The following MT1M variants were observed in gnomAD, a reference collection of about 807,000 sequenced individuals.
MT1M encodes the protein metallothionein-1M.
In MT1M, 11 loss-of-function variants were observed where a neutral mutation model predicts 8.5. The observed-to-expected ratio is 1.29, with a 90% CI of 0.81 to 2.14. MT1M has a LOEUF of 2.14. MT1M is among the 30% of genes most tolerant of loss of function. MT1M has a pLI of 0.00. For missense variants in MT1M, 84 were observed against 76.6 expected (o/e 1.10, Z -0.36); for synonymous variants, 28 against 30.0 (o/e 0.93, Z 0.22).
intron 1 of MT1M, 119 bp from the exon 2 acceptor site, chr16:56,633,220 TG>T: frequency 6.9e-7 from 1 of 1,458,878 alleles, no homozygotes; most frequent in Non-Finnish European, 9.5e-7. Flanking sequence ...TTTCCCTGAG[TG>T]GGAAAGGAGC....
intron 2 of MT1M, 75 bp from the exon 3 acceptor site, chr16:56,633,676 C>G (rs1960321258): frequency 6.9e-6 from 11 of 1,604,714 alleles, no homozygotes; most frequent in East Asian, 2.2e-5. Flanking sequence ...TTCTGAGCTC[C>G]AGCCAGGCTT....
intron 2 of MT1M, 154 bp downstream of exon 2, chr16:56,633,559 G>T (rs1241033783): frequency 1.3e-6 from 2 of 1,591,670 alleles, no homozygotes; most frequent in South Asian, 2.2e-5. Context: ...CCTAAATTCA[G>T]ATGGGGCAGG....
intron 1 of MT1M, among the ~76,000 whole-genome samples, chr16:56,633,135 G>A (rs1296431585): frequency 2.6e-5 from 4 of 152,168 alleles, no homozygotes; most frequent in East Asian, 3.9e-4. Flanking sequence ...GGTTGGGTGT[G>A]CCCCTGGGAC....
At chr16:56,633,575 ATT>A (rs1960319715) in intron 2 of MT1M, 170 bp downstream of exon 2, 1 of 1,595,060 alleles carries the variant, frequency 6.3e-7, no homozygotes, top group African/African-American at 1.3e-5. Flanking sequence ...GCAGGACAGC[ATT>A]TTTCTCTTGG....
rs533167394 is a variant in MT1M, at chr16:56,632,666, C to A, written c.-66C>A. 5 of 1,602,372 alleles carry A rather than the reference C, an allele frequency of 3.1e-6. No homozygotes were observed. The African/African-American group carries it at 5.4e-5, about 17-fold the overall frequency. On this transcript the variant is annotated 5_prime_UTR_variant, in exon 1 of 3. Coordinates refer to ENST00000379818, the MANE Select transcript of MT1M (RefSeq NM_176870.3). ...CGCAGGCTGTGGCGCTCCACCACGC[C>A]GTCCGGGTGGGCCTAGCAGTCGCTC...
chr16:56,633,219 G>A (rs1330645509), intron 1 of MT1M, 121 bp from the exon 2 acceptor site: 61 of 1,462,382 alleles, frequency 4.2e-5, no homozygotes, highest in Non-Finnish European at 5.7e-5. Flanking sequence ...CTTTCCCTGA[G>A]TGGGAAAGGA....
In MT1M at chr16:56,633,922, T is replaced by C. The variant is rs1960326773; in HGVS notation, c.*80T>C. ...TTTTTTTCAATACGATACTGAGCCA[T>C]TTGCTGCATTTCTTTTTATATTAAA... On this transcript the variant is annotated 3_prime_UTR_variant, in exon 3 of 3. Transcript: ENST00000379818. 7.0e-7 allele frequency: 1 copy of C among 1,419,064 alleles called. No individual in the cohort carries two copies. Among genetic ancestry groups the C allele is most frequent in the African/African-American group, 1.4e-5 (1 of 70,014 alleles). 87.9% of individuals were successfully genotyped at this position (1,419,064 alleles called of 1,614,324 possible).
At chr16:56,633,596 T>C (rs1960319882) in intron 2 of MT1M, 155 bp from the exon 3 acceptor site, 4 of 1,598,668 alleles carry the variant, frequency 2.5e-6, no homozygotes, top group African/African-American at 1.3e-5. Context: ...GGGACACAAA[T>C]CCCAACTGTA....
At chr16:56,633,204 A>AT (rs2144314764) in intron 1 of MT1M, 136 bp from the exon 2 acceptor site, 11 of 1,412,880 alleles carry the variant, frequency 7.8e-6, no homozygotes, top group East Asian at 2.3e-5. Context: ...TGGAGAGGAC[A>AT]GGGGCTTTCC....
chr16:56,633,458 G>A (rs1390706004), intron 2 of MT1M, 53 bp downstream of exon 2: 2 of 1,614,108 alleles, frequency 1.2e-6, no homozygotes, highest in Admixed American at 3.3e-5. Flanking sequence ...GATTGGGAGG[G>A]AACCCAAGGC....
rs1284650765 is a variant in MT1M at position 56,633,693 on chromosome 16, G to A, written c.95-58G>A. On this transcript the variant is annotated intron_variant, in intron 2 of 2. Coordinates refer to ENST00000379818, the MANE Select transcript of MT1M (RefSeq NM_176870.3). ...CTGAGCTCCAGCCAGGCTTGCTATT[G>A]GGGCAGGGCGGTGCCCGGTCAAGTC... is the stretch of plus-strand genomic sequence containing the variant. 1.3e-5 allele frequency: 21 copies of A among 1,607,902 alleles called. No individual in the cohort carries two copies. The East Asian group carries it at 2.2e-4, about 17-fold the overall frequency.
intron 1 of MT1M, among the ~76,000 whole-genome samples, 191 bp downstream of exon 1, chr16:56,632,950 A>G (rs1960308354): frequency 6.6e-6 from 1 of 152,132 alleles, no homozygotes; most frequent in Non-Finnish European, 1.5e-5. Context: ...AGAGTTAAGG[A>G]TACTGAGGGT....
chr16:56,633,381 T>C lies in MT1M; in HGVS notation c.70T>C (p.Cys24Arg), dbSNP rs754831089. 3 of 1,613,992 alleles carry C rather than the reference T, an allele frequency of 1.9e-6. No homozygotes were observed. In the African/African-American group the frequency reaches 4.0e-5, roughly 22 times the overall value. Residue 24 changes from cysteine (C) to arginine (R), a missense_variant, in exon 2 of 3, where the codon TGC becomes CGC. By Grantham distance (180) the Cys-to-Arg change is radical (BLOSUM62 -3). Transcript: ENST00000379818. ...ACTGSCTCKE[C>R]KCTSCKKSCC... ...CACCGGCTCCTGCACGTGCAAAGAG[T>C]GCAAATGCACCTCCTGCAAGAAGAG...
chr16:56,633,896 T>C lies in MT1M; in HGVS notation c.*54T>C. On this transcript the variant is annotated 3_prime_UTR_variant, in exon 3 of 3. Transcript: ENST00000379818. ...AATAGAACAAGCTGCACAACCTGGA[T>C]TTTTTTTCAATACGATACTGAGCCA... The C allele has an allele frequency of 1.3e-6, 2 of 1,585,546 alleles. No homozygotes were observed. Among genetic ancestry groups the C allele is most frequent in the Non-Finnish European group, 1.7e-6 (2 of 1,157,616 alleles).
At position 56,633,354 on chromosome 16, in the gene MT1M, T is replaced by G; in HGVS notation, c.43T>G (p.Cys15Gly). Residue 15 changes from cysteine to glycine, a missense_variant, in exon 2 of 3, where the codon TGC becomes GGC. By Grantham distance (159) the Cys-to-Gly change is radical. Transcript: ENST00000379818. ...CTTCCTTGCAGGTGTCTCCTGCGCC[T>G]GCACCGGCTCCTGCACGTGCAAAGA... ...CSCTTGVSCA[C>G]TGSCTCKECK... 1.9e-6 allele frequency: 3 copies of G among 1,614,222 alleles called. No individual in the cohort carries two copies. Among genetic ancestry groups the G allele is most frequent in the Non-Finnish European group, 2.5e-6 (3 of 1,180,036 alleles).
rs747588542 is a variant in MT1M, at chr16:56,632,748, C to T, written c.17C>T (p.Ser6Phe). 7.4e-6 allele frequency: 12 copies of T among 1,613,782 alleles called. No individual in the cohort carries two copies. Among genetic ancestry groups the T allele is most frequent in the Non-Finnish European group, 1.0e-5 (12 of 1,180,054 alleles). Residue 6 changes from serine to phenylalanine, a missense_variant, in exon 1 of 3, where the codon TCC (serine) becomes TTC (phenylalanine). By Grantham distance (155) the Ser-to-Phe change is radical (BLOSUM62 -2). Coordinates refer to ENST00000379818, the MANE Select transcript of MT1M (RefSeq NM_176870.3). The stretch of plus-strand genomic sequence containing the variant: ...CGGCTCGAAATGGACCCCAACTGCT[C>T]CTGCACCACTGGTAAGAGAAGCCGA... Reference protein sequence around the residue: MDPNCSCTTGVSCACT... With the variant: MDPNCFCTTGVSCACT...
At position 56,632,722 on chromosome 16, in the gene MT1M, G is replaced by C. The variant is rs779380067; in HGVS notation, c.-10G>C. Reference sequence around the variant, plus strand: ...ATCGCTTGAGATCTCCAGCCTTACCGCGGCTCGAAATGGACCCCAACTGCT... The same window carrying C: ...ATCGCTTGAGATCTCCAGCCTTACCCCGGCTCGAAATGGACCCCAACTGCT... On this transcript the variant is annotated 5_prime_UTR_variant, in exon 1 of 3. Transcript: ENST00000379818. The C allele has an allele frequency of 1.9e-6, 3 of 1,613,378 alleles. No individual in the cohort carries two copies. The highest frequency in any genetic ancestry group is 1.3e-5 in the African/African-American group (1 of 74,912).
chr16:56,633,488 C>T (rs1487499574), intron 2 of MT1M, 83 bp downstream of exon 2: 1 of 1,613,440 alleles, frequency 6.2e-7, no homozygotes, highest in Non-Finnish European at 8.5e-7. Context: ...GTGCATCCTT[C>T]TGGGGAACTG....
rs753239689 is a variant in MT1M at position 56,633,449 on chromosome 16, A to G, written c.94+44A>G. 66 of 1,614,026 alleles carry G rather than the reference A, an allele frequency of 4.1e-5. 2 individuals are homozygous for G. Among genetic ancestry groups the G allele is most frequent in the South Asian group, 4.1e-4 (37 of 91,090 alleles). The stretch of plus-strand genomic sequence containing the variant: ...CCAGGAATCTGGGGCTGTGGCTGAG[A>G]TTGGGAGGGAACCCAAGGCTGGCCC... On this transcript the variant is annotated intron_variant, in intron 2 of 2. Transcript: ENST00000379818.
Sources: allele counts gnomAD v4.1 joint callset (sites outside exome capture counted in the v4.1 genomes callset), GRCh38; gene constraint gnomAD v4.1.1; transcripts MANE v1.5; gene names NCBI Gene and HGNC (gene_info 2026-07-23, HGNC 2026-07-21).